UST: variants seen among roughly 807,000 people sequenced by gnomAD.
The protein encoded by UST is chondroitin sulfate 2-O-sulfotransferase.
Under a neutral mutation model 45.6 loss-of-function variants are expected in UST, and 21 were observed. The ratio of observed to expected loss-of-function variants is 0.46; its 90% CI spans 0.33 to 0.66. UST has a LOEUF of 0.66. Among genes scored for constraint, UST ranks in the 30% least tolerant of loss-of-function variants. The pLI, the probability that UST is intolerant of heterozygous loss-of-function variation, is 0.02. For synonymous variants in UST, 215 were observed against 200.6 expected, an observed-to-expected ratio of 1.07 and a Z score of -0.61; for missense variants, 463 against 512.4, an observed-to-expected ratio of 0.90 and a Z score of 0.93.
intron 1 of UST, among the ~76,000 whole-genome samples, chr6:148,768,446 A>C (rs549854964): frequency 6.6e-6 from 1 of 152,210 alleles, no homozygotes; most frequent in East Asian, 1.9e-4. Context: ...TCTAAAAGTC[A>C]GTTTCTTTTA....
chr6:148,966,906 T>G (rs2114962625), intron 5 of UST, among the ~76,000 whole-genome samples: 1 of 152,210 alleles, frequency 6.6e-6, no homozygotes, highest in East Asian at 1.9e-4. Context: ...CTGGTTAATT[T>G]TTGTATTTTT....
intron 1 of UST, among the ~76,000 whole-genome samples, chr6:148,853,805 G>A (rs1020120218): frequency 1.3e-5 from 2 of 152,044 alleles, no homozygotes; most frequent in African/African-American, 4.8e-5. Flanking sequence ...CTTTTTAATG[G>A]GGTTGTTTGT....
rs1480411622 is a variant in UST at position 148,879,752 on chromosome 6, A to G, written c.248-7234A>G. 2.0e-5 allele frequency among the ~76,000 whole-genome samples: 3 copies of G among 152,138 alleles called. No individual in the cohort carries two copies. In the East Asian group the frequency reaches 5.8e-4, roughly 29 times the overall value. ...TGTTCTGAGCATTTTTCATAGAACA[A>G]AATTATTCTCATGCATTCCTTACAA... On this transcript the variant is annotated intron_variant, in intron 1 of 7. Coordinates refer to ENST00000367463, the MANE Select transcript of UST (RefSeq NM_005715.3).
intron 1 of UST, among the ~76,000 whole-genome samples, chr6:148,762,041 A>G (rs1013559288): frequency 3.3e-5 from 5 of 152,186 alleles, no homozygotes; most frequent in Non-Finnish European, 7.4e-5. Context: ...TTCTTTGCTC[A>G]TGCATTTCCC....
chr6:149,038,877 A>G (rs188756008), intron 7 of UST, among the ~76,000 whole-genome samples: 37 of 152,350 alleles, frequency 2.4e-4, no homozygotes, highest in African/African-American at 7.7e-4. Flanking sequence ...GATGCAATGA[A>G]ATATAGTGAG....
chr6:148,862,850 TTTCTGCCAAGAGACC>T (rs1405134251), intron 1 of UST, among the ~76,000 whole-genome samples: 1 of 152,188 alleles, frequency 6.6e-6, no homozygotes, highest in Non-Finnish European at 1.5e-5. Flanking sequence ...GCTTGTAGAG[TTTCTGCCAAGAGACC>T]AGCTGTTAGT....
At chr6:149,064,238 A>T (rs1776699655) in intron 7 of UST, among the ~76,000 whole-genome samples, 1 of 152,144 alleles carries the variant, frequency 6.6e-6, no homozygotes, top group African/African-American at 2.4e-5. Flanking sequence ...ACTCGTCAGC[A>T]ATGTGGAGAG....
In UST at chr6:148,964,443, C is replaced by T. The variant is rs144984089; in HGVS notation, c.561C>T (p.Ile187=). 2.6e-5 allele frequency: 42 copies of T among 1,614,078 alleles called. No homozygotes were observed. Among genetic ancestry groups the T allele is most frequent in the Non-Finnish European group, 2.8e-5 (33 of 1,180,032 alleles). Residue 187 remains isoleucine (I), a synonymous_variant, in exon 5 of 8, where the codon ATC becomes ATT. Coordinates refer to ENST00000367463, the MANE Select transcript of UST (RefSeq NM_005715.3). ...GAGACCAGCCTGTCTACATCAACAT[C>T]ATTAGAGACCCCGTCAACCGGTTCT... The part of the protein sequence containing the change: ...FGGDQPVYIN[I]IRDPVNRFLS...
At chr6:148,921,804 C>T (rs1779712968) in intron 2 of UST, among the ~76,000 whole-genome samples, 1 of 152,126 alleles carries the variant, frequency 6.6e-6, no homozygotes, top group African/African-American at 2.4e-5. Context: ...TGGTCTGGTG[C>T]CTCTGGAGCC....
chr6:148,799,079 A>C (rs1234633207), intron 1 of UST, among the ~76,000 whole-genome samples: 1 of 152,134 alleles, frequency 6.6e-6, no homozygotes, highest in East Asian at 1.9e-4. Flanking sequence ...CATGTCAGCC[A>C]GGCTGGTCTC....
At chr6:148,750,804 C>T (rs963747487) in intron 1 of UST, among the ~76,000 whole-genome samples, 5 of 152,174 alleles carry the variant, frequency 3.3e-5, no homozygotes, top group Non-Finnish European at 5.9e-5. Flanking sequence ...TATGTGGCCT[C>T]CATTTATTTA....
intron 2 of UST, among the ~76,000 whole-genome samples, chr6:148,940,340 T>TA (rs1780101051): frequency 6.7e-6 from 1 of 149,546 alleles, no homozygotes; most frequent in African/African-American, 2.5e-5. Flanking sequence ...AAAAAAAAAT[T>TA]ACAAAAATTA....
intron 1 of UST, among the ~76,000 whole-genome samples, chr6:148,799,920 C>T (rs927894741): frequency 5.3e-5 from 8 of 152,110 alleles, no homozygotes; most frequent in South Asian, 2.1e-4. Context: ...TCTCTCACTC[C>T]CTCTCGCCCT....
chr6:148,998,618 C>A (rs1781493354), intron 5 of UST, among the ~76,000 whole-genome samples: 2 of 152,170 alleles, frequency 1.3e-5, no homozygotes, highest in South Asian at 4.1e-4. Context: ...AGAAAACTCA[C>A]AATGGTGATC....
At chr6:148,807,853 A>C (rs2114725860) in intron 1 of UST, among the ~76,000 whole-genome samples, 1 of 152,220 alleles carries the variant, frequency 6.6e-6, no homozygotes, top group Admixed American at 6.5e-5. Context: ...ATATCTATCG[A>C]TGCCGTGGTT....
At chr6:149,032,747 G>T (rs1439105301) in intron 7 of UST, among the ~76,000 whole-genome samples, 1 of 152,146 alleles carries the variant, frequency 6.6e-6, no homozygotes, top group Non-Finnish European at 1.5e-5. Flanking sequence ...GCCCCCCTCT[G>T]TGTCTACCCC....
chr6:148,962,280 G>A (rs1302059267), intron 4 of UST, among the ~76,000 whole-genome samples: 1 of 152,210 alleles, frequency 6.6e-6, no homozygotes, highest in South Asian at 2.1e-4. Context: ...TACTTCTCTC[G>A]CCATTGATCA....
At chr6:148,969,687 C>G (rs1222976671) in intron 5 of UST, among the ~76,000 whole-genome samples, 1 of 152,178 alleles carries the variant, frequency 6.6e-6, no homozygotes, top group East Asian at 1.9e-4. Context: ...ACCTGGAGCT[C>G]CTCTGCTCAG....
At chr6:148,838,196 C>A (rs891262633) in intron 1 of UST, among the ~76,000 whole-genome samples, 2 of 152,120 alleles carry the variant, frequency 1.3e-5, no homozygotes, top group Non-Finnish European at 2.9e-5. Flanking sequence ...GGCGAAGGAG[C>A]CAGCCACATG....
Sources: allele counts gnomAD v4.1 joint callset (sites outside exome capture counted in the v4.1 genomes callset), GRCh38; gene constraint gnomAD v4.1.1; transcripts MANE v1.5; gene names NCBI Gene and HGNC (gene_info 2026-07-23, HGNC 2026-07-21).